Variants in VAX2 observed in about 807,000 individuals in gnomAD.
VAX2 encodes the protein ventral anterior homeobox 2.
In VAX2, 8 loss-of-function variants were observed where a neutral mutation model predicts 12.5. The observed-to-expected ratio is 0.64, with a 90% CI of 0.37 to 1.15. The LOEUF (loss-of-function observed/expected upper bound fraction) is 1.15. VAX2 is among the 50% of genes most tolerant of loss of function. The probability of loss-of-function intolerance (pLI) is 0.01; values close to 1 mark genes in which losing one functional copy is unlikely to be tolerated. For synonymous variants in VAX2, 183 were observed against 187.6 expected (o/e 0.98, Z 0.20); for missense variants, 476 against 412.9 (o/e 1.15, Z -1.32).
intron 2 of VAX2, among the ~76,000 whole-genome samples, chr2:70,927,273 A>G (rs1037916994): frequency 6.6e-6 from 1 of 151,010 alleles, no homozygotes; most frequent in Non-Finnish European, 1.5e-5. Flanking sequence ...CTGGCTCAGG[A>G]CTCCCCTCCT....
chr2:70,922,703 T>C (rs1194773975), intron 2 of VAX2, among the ~76,000 whole-genome samples: 4 of 150,658 alleles, frequency 2.7e-5, no homozygotes. Flanking sequence ...GCAGCTGCTG[T>C]CCTGCAGGGC....
chr2:70,905,151 G>A (rs1466146621), intron 1 of VAX2, among the ~76,000 whole-genome samples: 1 of 152,080 alleles, frequency 6.6e-6, no homozygotes, highest in East Asian at 1.9e-4. Flanking sequence ...CTGAGCAGGC[G>A]TTTAGTAAGG....
rs1231422196 is a variant in VAX2, at chr2:70,900,800, G to A, written c.179G>A (p.Ser60Asn). 9 of 1,494,730 alleles carry A rather than the reference G, an allele frequency of 6.0e-6. No homozygotes were observed. Among genetic ancestry groups the A allele is most frequent in the Admixed American group, 2.2e-5 (1 of 46,108 alleles). The allele number at this position is 1,494,730 out of a possible 1,614,324, so 92.6% of individuals were successfully genotyped here. ...SASSPAGSRE[S>N]GADSDGQPGP... is the part of the protein sequence containing the mutation. Reference sequence around the variant, plus strand: ...TCCAGTCCCGCAGGCTCCAGGGAGAGTGGAGCCGACAGCGACGGGCAGCCC... The same window carrying A: ...TCCAGTCCCGCAGGCTCCAGGGAGAATGGAGCCGACAGCGACGGGCAGCCC... The change falls in exon 1 of 3, where the codon AGT (serine) becomes AAT (asparagine). Residue 60 changes from serine to asparagine, a missense_variant. Coordinates refer to ENST00000234392, the MANE Select transcript of VAX2 (RefSeq NM_012476.3).
At position 70,932,792 on chromosome 2, in the gene VAX2, G is replaced by C; in HGVS notation, c.461G>C (p.Arg154Pro). 4 of 1,579,908 alleles carry C rather than the reference G, an allele frequency of 2.5e-6. No homozygotes were observed. The highest frequency in any genetic ancestry group is 3.4e-6 in the Non-Finnish European group (4 of 1,162,024). Reference sequence around the variant, plus strand: ...GTGAAGGTCTGGTTCCAGAACCGCCGCACCAAGCAGAAGAAAGACCAGAGC... The same window carrying C: ...GTGAAGGTCTGGTTCCAGAACCGCCCCACCAAGCAGAAGAAAGACCAGAGC... ...TQVKVWFQNR[R>P]TKQKKDQSRD... Residue 154 changes from arginine to proline, a missense_variant, in exon 3 of 3, where the codon CGC becomes CCC. Physicochemically the swap from Arg to Pro is moderately radical, Grantham distance 103. Coordinates refer to ENST00000234392, the MANE Select transcript of VAX2 (RefSeq NM_012476.3).
chr2:70,901,625 A>T (rs566493110), intron 1 of VAX2, among the ~76,000 whole-genome samples: 1 of 152,064 alleles, frequency 6.6e-6, no homozygotes, highest in African/African-American at 2.4e-5. Flanking sequence ...CTCCATCTGG[A>T]CTGCGACCGA....
At chr2:70,916,573 C>A (rs1313261319) in intron 1 of VAX2, among the ~76,000 whole-genome samples, 2 of 152,172 alleles carry the variant, frequency 1.3e-5, no homozygotes, top group African/African-American at 4.8e-5. Context: ...CTGATCTGGT[C>A]TCCACCTCTA....
rs1679449497 is a variant in VAX2 at position 70,921,199 on chromosome 2, C to A, written c.349C>A (p.Leu117Met). 1 of 1,613,638 alleles carries A rather than the reference C, an allele frequency of 6.2e-7. No individual in the cohort carries two copies. Residue 117 changes from leucine (L) to methionine (M), a missense_variant, in exon 2 of 3, where the codon CTG becomes ATG. Leu to Met is a conservative substitution (Grantham distance 15). Transcript: ENST00000234392. Reference sequence around the variant, plus strand: ...CTTCACTGCCGAGCAGCTGTACCGCCTGGAGATGGAGTTCCAGCGCTGCCA... The same window carrying A: ...CTTCACTGCCGAGCAGCTGTACCGCATGGAGATGGAGTTCCAGCGCTGCCA... The part of the protein sequence containing the change: ...TSFTAEQLYR[L>M]EMEFQRCQYV...
At chr2:70,907,455 C>T (rs1233615404) in intron 1 of VAX2, among the ~76,000 whole-genome samples, 8 of 152,262 alleles carry the variant, frequency 5.3e-5, no homozygotes, top group Admixed American at 5.2e-4. Flanking sequence ...CCTGCCCCTG[C>T]CGGCTCACAC....
chr2:70,920,480 G>A (rs1326160592), intron 1 of VAX2, among the ~76,000 whole-genome samples: 2 of 152,124 alleles, frequency 1.3e-5, no homozygotes, highest in Non-Finnish European at 2.9e-5. Context: ...CCCTCTGGAA[G>A]GCATCCAGCA....
chr2:70,927,138 A>G (rs1431568487), intron 2 of VAX2, among the ~76,000 whole-genome samples: 1 of 152,030 alleles, frequency 6.6e-6, no homozygotes, highest in African/African-American at 2.4e-5. Flanking sequence ...TTTTTTCAGC[A>G]CCTGGCAATG....
At chr2:70,926,181 T>TCA (rs1315820775) in intron 2 of VAX2, among the ~76,000 whole-genome samples, 1 of 152,108 alleles carries the variant, frequency 6.6e-6, no homozygotes, top group Non-Finnish European at 1.5e-5. Flanking sequence ...TCTCCACCAC[T>TCA]CACAGGGCTC....
chr2:70,900,717 G>A lies in VAX2; in HGVS notation c.96G>A (p.Gly32=). ...GCTGCGGAGACCGCAGCGGAGCGGGGGACTTGCGAGCTGATGGCGGTGGCC... is the reference window on the plus strand; with the variant it reads ...GCTGCGGAGACCGCAGCGGAGCGGGAGACTTGCGAGCTGATGGCGGTGGCC... ...GGRCGDRSGA[G]DLRADGGGHS... is the part of the protein sequence containing the mutation. Residue 32 remains glycine, a synonymous_variant, in exon 1 of 3, where the codon GGG becomes GGA. Transcript: ENST00000234392. 1.4e-6 allele frequency: 2 copies of A among 1,396,142 alleles called. No individual in the cohort carries two copies. Among genetic ancestry groups the A allele is most frequent in the South Asian group, 1.6e-5 (1 of 64,222 alleles). 86.5% of individuals were successfully genotyped at this position (1,396,142 alleles called of 1,614,324 possible).
In VAX2 at chr2:70,904,961, G is replaced by A. The variant is rs1679017543; in HGVS notation, c.247+4093G>A. On this transcript the variant is annotated intron_variant, in intron 1 of 2. Transcript: ENST00000234392. The surrounding 1 kb of genome is among the most constrained non-coding windows in gnomAD (Gnocchi z 4.2). ...CCTAACTCCCAGAGACGCGTCTGAA[G>A]AAGCCATACAAGGGGGCGCAGCTTC... Among the ~76,000 whole-genome samples the A allele has an allele frequency of 2.6e-5, 4 of 152,332 alleles. No individual in the cohort carries two copies. In the South Asian group the frequency reaches 8.3e-4, roughly 32 times the overall value.
chr2:70,933,296 G>T lies in VAX2; in HGVS notation c.*92G>T. The T allele has an allele frequency of 8.0e-7, 1 of 1,254,736 alleles. No homozygotes were observed. The highest frequency in any genetic ancestry group is 1.0e-6 in the Non-Finnish European group (1 of 966,150). 77.7% of individuals were successfully genotyped at this position (1,254,736 alleles called of 1,614,324 possible). A position where few individuals can be genotyped will look rare whatever the true frequency, so the allele number is the denominator to read the frequency against. On this transcript the variant is annotated 3_prime_UTR_variant, in exon 3 of 3. Coordinates refer to ENST00000234392, the MANE Select transcript of VAX2 (RefSeq NM_012476.3). ...AGCACTGAGCAGGCCCCGGAGAGGA[G>T]GGGCTGCAGCCACACACTCTTCCCC...
chr2:70,902,325 T>G (rs1371083591), intron 1 of VAX2, among the ~76,000 whole-genome samples: 6 of 152,202 alleles, frequency 3.9e-5, no homozygotes, highest in Non-Finnish European at 7.3e-5. Flanking sequence ...CTGCTACTCA[T>G]AGTTGACTGC....
At chr2:70,903,779 C>T (rs1425560480) in intron 1 of VAX2, among the ~76,000 whole-genome samples, 1 of 152,180 alleles carries the variant, frequency 6.6e-6, no homozygotes, top group Non-Finnish European at 1.5e-5. Flanking sequence ...TCCCAAGTCA[C>T]CCCTTTCCCC....
intron 2 of VAX2, among the ~76,000 whole-genome samples, chr2:70,925,687 C>T (rs1679555259): frequency 6.6e-6 from 1 of 152,072 alleles, no homozygotes; most frequent in African/African-American, 2.4e-5. Context: ...TGGATGGACT[C>T]CCCAGGGATT....
At chr2:70,921,676 A>G (rs1679462018) in intron 2 of VAX2, among the ~76,000 whole-genome samples, 4 of 151,946 alleles carry the variant, frequency 2.6e-5, no homozygotes, top group African/African-American at 4.8e-5. Flanking sequence ...AAGATGAAAC[A>G]TTATAAAATT....
At chr2:70,906,237 G>A (rs546646238) in intron 1 of VAX2, among the ~76,000 whole-genome samples, 9 of 152,300 alleles carry the variant, frequency 5.9e-5, no homozygotes, top group East Asian at 3.9e-4. Context: ...CAGCTCATCC[G>A]GGAAGGCAGT....
Sources: gnomAD v4.1 joint callset for allele counts (sites outside exome capture counted in the v4.1 genomes callset) on GRCh38, gnomAD v4.1.1 for gene constraint, Gnocchi (gnomAD v3.1) non-coding constraint, MANE v1.5 for transcripts, NCBI Gene and HGNC (gene_info 2026-07-23, HGNC 2026-07-21) for gene names.